THSD4: variants seen among roughly 807,000 people sequenced by gnomAD.
The protein encoded by THSD4 is thrombospondin type-1 domain-containing protein 4.
In THSD4, 69 loss-of-function variants were observed where a neutral mutation model predicts 119.0. That is an observed-to-expected ratio of 0.58 (90% CI 0.48 to 0.71). The LOEUF is 0.71. Ranked by LOEUF, THSD4 falls within the 30% of genes least tolerant of loss-of-function variation. The pLI, the probability that THSD4 is intolerant of heterozygous loss-of-function variation, is 0.00. For missense variants in THSD4, 1,393 were observed against 1,391.1 expected (o/e 1.00, Z -0.02); for synonymous variants, 524 against 540.4 (o/e 0.97, Z 0.42).
chr15:71,459,256 T>G (rs1309728738), intron 7 of THSD4, among the ~76,000 whole-genome samples: 1 of 151,226 alleles, frequency 6.6e-6, no homozygotes. Flanking sequence ...CCTCTCAGGT[T>G]CAAGCGATTC....
In THSD4 at chr15:71,757,767, G is replaced by A. The variant is rs1044829812; in HGVS notation, c.2416-135G>A. ...TCTCATAATGGAGTAGGCTATGCAC[G>A]AGAAGCTGCCAGATATTTCTAGGGG... On this transcript the variant is annotated intron_variant, in intron 14 of 17. Coordinates refer to ENST00000261862, the MANE Select transcript of THSD4 (RefSeq NM_024817.3). The A allele has an allele frequency of 1.7e-5, 19 of 1,126,380 alleles. 1 individual carries two copies. The highest frequency in any genetic ancestry group is 4.7e-5 in the Admixed American group (2 of 42,236). The allele number at this position is 1,126,380 out of a possible 1,614,324, so 69.8% of individuals were successfully genotyped here. A position where few individuals can be genotyped will look rare whatever the true frequency, so the allele number is the denominator to read the frequency against.
intron 6 of THSD4, among the ~76,000 whole-genome samples, chr15:71,396,650 C>G (rs1265059782): frequency 1.3e-5 from 2 of 152,194 alleles, no homozygotes; most frequent in African/African-American, 4.8e-5. Flanking sequence ...CGGCCATGAC[C>G]TCCCGCTTCT....
rs188571221 is a variant in THSD4 at position 71,657,191 on chromosome 15, G to A, written c.1153-3339G>A. ...CTCCTGTTAGACTCAGATTCCCAAA[G>A]TCAGGACCTGTGTCTGATTCAGCTT... On this transcript the variant is annotated intron_variant, in intron 7 of 17. Coordinates refer to ENST00000261862, the MANE Select transcript of THSD4 (RefSeq NM_024817.3). 2.4e-4 allele frequency among the ~76,000 whole-genome samples: 36 copies of A among 152,308 alleles called. 1 individual carries two copies. The highest frequency in any genetic ancestry group is 1.9e-3 in the Admixed American group (29 of 15,296).
chr15:71,376,496 T>C (rs1429041061), intron 6 of THSD4, among the ~76,000 whole-genome samples: 1 of 152,208 alleles, frequency 6.6e-6, no homozygotes, highest in Non-Finnish European at 1.5e-5. Flanking sequence ...TTGTTCTGAC[T>C]TGCAACCTTT....
chr15:71,771,356 T>C (rs1388626960), intron 17 of THSD4, 148 bp downstream of exon 17: 1 of 1,089,684 alleles, frequency 9.2e-7, no homozygotes, highest in Admixed American at 2.7e-5. Context: ...CTTTTGGTAT[T>C]ATAAATTTCA....
rs911289369 is a variant in THSD4, at chr15:71,124,823, G to A, written c.-80+9125G>A. On this transcript the variant is annotated intron_variant, in intron 1 of 17. Coordinates refer to ENST00000261862, the MANE Select transcript of THSD4 (RefSeq NM_024817.3). Reference sequence around the variant, plus strand: ...TTTGGGAGGCCGGGATGAGAAGATCGCTTGAGCCCAGGAGTTCGAGACCAG... The same window carrying A: ...TTTGGGAGGCCGGGATGAGAAGATCACTTGAGCCCAGGAGTTCGAGACCAG... Among the ~76,000 whole-genome samples the A allele has an allele frequency of 7.2e-5, 11 of 152,114 alleles. No homozygotes were observed. In the East Asian group the frequency reaches 7.7e-4, roughly 11 times the overall value.
At chr15:71,484,337 A>C (rs1382105850) in intron 7 of THSD4, among the ~76,000 whole-genome samples, 1 of 152,256 alleles carries the variant, frequency 6.6e-6, no homozygotes, top group African/African-American at 2.4e-5. Flanking sequence ...TTTCATGAGT[A>C]AGATCTGAAG....
chr15:71,747,124 AT>A, intron 13 of THSD4, 82 bp downstream of exon 13: 1 of 1,470,250 alleles, frequency 6.8e-7, no homozygotes, highest in Non-Finnish European at 9.2e-7. Flanking sequence ...AAGACCTGAG[AT>A]GGGTAACCCT....
At chr15:71,198,911 C>A (rs971623765) in intron 3 of THSD4, among the ~76,000 whole-genome samples, 3 of 152,240 alleles carry the variant, frequency 2.0e-5, no homozygotes, top group Non-Finnish European at 4.4e-5. Context: ...TTGGCCAGCC[C>A]TAGTCTGAGT....
At chr15:71,130,894 G>A (rs920730775) in intron 1 of THSD4, among the ~76,000 whole-genome samples, 1 of 152,056 alleles carries the variant, frequency 6.6e-6, no homozygotes, top group Non-Finnish European at 1.5e-5. Context: ...ACAGGCGCCC[G>A]CTACCACGCC....
intron 7 of THSD4, among the ~76,000 whole-genome samples, chr15:71,655,755 C>G (rs2051177946): frequency 6.6e-6 from 1 of 152,214 alleles, no homozygotes. Context: ...CCACCCAAAG[C>G]AGTGGTGCCT....
rs570710033 is a variant in THSD4 at position 71,274,724 on chromosome 15, A to G, written c.1015+18009A>G. On this transcript the variant is annotated intron_variant, in intron 6 of 17. Transcript: ENST00000261862. ...CTACCTCTGTAAGTCTTTCCACTGGAAAATGTAGGATATGAGAAAGGAAAG... is the reference window on the plus strand; with the variant it reads ...CTACCTCTGTAAGTCTTTCCACTGGGAAATGTAGGATATGAGAAAGGAAAG... 2.6e-5 allele frequency among the ~76,000 whole-genome samples: 4 copies of G among 152,278 alleles called. No individual in the cohort carries two copies. In the South Asian group the frequency reaches 8.3e-4, roughly 32 times the overall value.
At chr15:71,639,482 T>C (rs756863280) in intron 7 of THSD4, among the ~76,000 whole-genome samples, 5 of 152,194 alleles carry the variant, frequency 3.3e-5, no homozygotes, top group Admixed American at 6.5e-5. Context: ...AAATGAGGCA[T>C]TCTATGATTT....
At chr15:71,242,562 G>A (rs2044161941) in intron 4 of THSD4, 87 bp from the exon 5 acceptor site, 1 of 1,417,976 alleles carries the variant, frequency 7.1e-7, no homozygotes, top group Non-Finnish European at 9.7e-7. Flanking sequence ...TTCCTACCTG[G>A]TCCTCTCTAC....
rs867080298 is a variant in THSD4, at chr15:71,317,885, G to T, written c.1015+61170G>T. 2.0e-5 allele frequency among the ~76,000 whole-genome samples: 3 copies of T among 152,194 alleles called. No individual in the cohort carries two copies. The South Asian group carries it at 6.2e-4, about 32-fold the overall frequency. ...TCATAGAATTCTCATGGCATTAAAT[G>T]AGATACACTACCTAACGCAGTTGAT... On this transcript the variant is annotated intron_variant, in intron 6 of 17. Transcript: ENST00000261862.
At chr15:71,411,290 A>G (rs2046683872) in intron 6 of THSD4, among the ~76,000 whole-genome samples, 1 of 152,204 alleles carries the variant, frequency 6.6e-6, no homozygotes, top group Non-Finnish European at 1.5e-5. Flanking sequence ...CCTTCCCTCT[A>G]TCATCAAATA....
At chr15:71,531,257 AG>A (rs2048606003) in intron 7 of THSD4, among the ~76,000 whole-genome samples, 4 of 152,200 alleles carry the variant, frequency 2.6e-5, no homozygotes, top group Non-Finnish European at 5.9e-5. Context: ...TTCATCCTAC[AG>A]GCAATAGGAA....
In THSD4 at chr15:71,420,351, T is replaced by G. The variant is rs184432056; in HGVS notation, c.1152+8528T>G. ...TTTGTTCATCCCTTTATTTTCAGTC[T>G]ATGTGTGTCTTTATATGTGAAGTGT... On this transcript the variant is annotated intron_variant, in intron 7 of 17. Coordinates refer to ENST00000261862, the MANE Select transcript of THSD4 (RefSeq NM_024817.3). 5.6e-5 allele frequency among the ~76,000 whole-genome samples: 6 copies of G among 107,992 alleles called. 3 individuals carry two copies. In the Admixed American group the frequency reaches 7.2e-4, roughly 13 times the overall value. 70.8% of individuals were successfully genotyped at this position (107,992 alleles called of 152,430 possible). A position where few individuals can be genotyped will look rare whatever the true frequency, so the allele number is the denominator to read the frequency against.
intron 7 of THSD4, among the ~76,000 whole-genome samples, chr15:71,599,212 C>G (rs1352329184): frequency 6.6e-6 from 1 of 152,190 alleles, no homozygotes; most frequent in Admixed American, 6.5e-5. Flanking sequence ...GGAATCCAAT[C>G]TGTTGTCTCT....
Sources: allele counts gnomAD v4.1 joint callset (sites outside exome capture counted in the v4.1 genomes callset), GRCh38; gene constraint gnomAD v4.1.1; transcripts MANE v1.5; gene names NCBI Gene and HGNC (gene_info 2026-07-23, HGNC 2026-07-21).